The following UTRN variants were observed in gnomAD, a reference collection of about 807,000 sequenced individuals.
The protein encoded by UTRN is utrophin.
UTRN carries 283 observed loss-of-function variants against 463.9 expected under a neutral mutation model. The ratio of observed to expected loss-of-function variants is 0.61; its 90% CI spans 0.55 to 0.67. The LOEUF (loss-of-function observed/expected upper bound fraction) is 0.67. Among genes scored for constraint, UTRN ranks in the 30% least tolerant of loss-of-function variants. The pLI is 0.00. For missense variants in UTRN, 3,922 were observed against 4,084.3 expected, an observed-to-expected ratio of 0.96 and a Z score of 1.08; for synonymous variants, 1,442 against 1,431.5, an observed-to-expected ratio of 1.01 and a Z score of -0.17.
chr6:144,473,913 T>C, intron 24 of UTRN, 80 bp downstream of exon 24: 2 of 1,011,472 alleles, frequency 2.0e-6, no homozygotes, highest in Non-Finnish European at 3.0e-6. Context: ...ATTATTAAAA[T>C]TGTGAGAATA....
chr6:144,606,167 A>G (rs1804826320), intron 51 of UTRN, among the ~76,000 whole-genome samples: 1 of 152,202 alleles, frequency 6.6e-6, no homozygotes, highest in Non-Finnish European at 1.5e-5. Context: ...CTATTTGTAA[A>G]ACAATGTTTG....
chr6:144,689,744 G>A (rs1473383779), intron 52 of UTRN, among the ~76,000 whole-genome samples: 2 of 152,172 alleles, frequency 1.3e-5, no homozygotes, highest in African/African-American at 4.8e-5. Context: ...GTTATAAATA[G>A]CCTTAGTGTG....
intron 34 of UTRN, among the ~76,000 whole-genome samples, chr6:144,509,222 T>A (rs12190126): frequency 0.039 from 5,951 of 152,234 alleles, 155 homozygotes; most frequent in Non-Finnish European, 0.06. Flanking sequence ...TGTTTTGATT[T>A]TTTTCTTTAT....
chr6:144,426,894 C>T (rs1207665428), intron 7 of UTRN, among the ~76,000 whole-genome samples: 1 of 152,088 alleles, frequency 6.6e-6, no homozygotes. Flanking sequence ...ATATAAAAGA[C>T]GAGGCCCAAG....
intron 54 of UTRN, among the ~76,000 whole-genome samples, chr6:144,743,279 A>G (rs1790304038): frequency 6.6e-6 from 1 of 152,252 alleles, no homozygotes; most frequent in Non-Finnish European, 1.5e-5. Flanking sequence ...TGATATCATA[A>G]TTGAGAAAAA....
intron 51 of UTRN, among the ~76,000 whole-genome samples, chr6:144,609,565 T>C (rs1459859545): frequency 6.6e-6 from 1 of 152,188 alleles, no homozygotes; most frequent in East Asian, 1.9e-4. Context: ...ACTTTGGACT[T>C]GAATTGCAGT....
At chr6:144,551,468 T>C (rs977979805) in intron 48 of UTRN, among the ~76,000 whole-genome samples, 4 of 152,362 alleles carry the variant, frequency 2.6e-5, no homozygotes, top group Admixed American at 1.3e-4. Flanking sequence ...TTACTGTGTC[T>C]TTTAACTCAA....
intron 8 of UTRN, 67 bp from the exon 9 acceptor site, chr6:144,429,514 A>G (rs1290949326): frequency 2.1e-6 from 3 of 1,400,590 alleles, no homozygotes; most frequent in Non-Finnish European, 2.0e-6. Flanking sequence ...TTTTATATCT[A>G]ATATTGAGCA....
At chr6:144,354,781 G>T (rs1778409971) in intron 2 of UTRN, among the ~76,000 whole-genome samples, 1 of 152,022 alleles carries the variant, frequency 6.6e-6, no homozygotes, top group Non-Finnish European at 1.5e-5. Flanking sequence ...TCCCTGCTTG[G>T]ATTAAATTCA....
intron 51 of UTRN, among the ~76,000 whole-genome samples, chr6:144,609,199 A>T (rs934283872): frequency 6.6e-6 from 1 of 152,228 alleles, no homozygotes; most frequent in Non-Finnish European, 1.5e-5. Context: ...TGCCTAGTAG[A>T]GACTTGCTTT....
intron 48 of UTRN, among the ~76,000 whole-genome samples, chr6:144,552,733 C>T (rs780556596): frequency 1.3e-5 from 2 of 152,168 alleles, no homozygotes; most frequent in Non-Finnish European, 2.9e-5. Flanking sequence ...GCTTAACTCA[C>T]AATGAATGGG....
chr6:144,613,406 G>A (rs918102747), intron 51 of UTRN, among the ~76,000 whole-genome samples: 1 of 152,040 alleles, frequency 6.6e-6, no homozygotes, highest in Non-Finnish European at 1.5e-5. Flanking sequence ...TGACAGGTAA[G>A]CAAGGAGATG....
At chr6:144,518,531 G>T (rs1223619801) in intron 39 of UTRN, among the ~76,000 whole-genome samples, 2 of 151,996 alleles carry the variant, frequency 1.3e-5, no homozygotes, top group African/African-American at 4.8e-5. Context: ...GTCTTTTTAG[G>T]TTAGCTGAAA....
chr6:144,834,176 C>A (rs1204619413), intron 69 of UTRN, among the ~76,000 whole-genome samples: 1 of 152,194 alleles, frequency 6.6e-6, no homozygotes, highest in Non-Finnish European at 1.5e-5. Context: ...AAGGGTCCCA[C>A]CCCATCCTCT....
At chr6:144,492,910 C>T (rs1403602507) in intron 32 of UTRN, among the ~76,000 whole-genome samples, 1 of 152,034 alleles carries the variant, frequency 6.6e-6, no homozygotes, top group Non-Finnish European at 1.5e-5. Context: ...CAGCAGTAGC[C>T]AGTGTTGGCT....
At chr6:144,565,540 A>G (rs1399832139) in intron 50 of UTRN, among the ~76,000 whole-genome samples, 1 of 152,152 alleles carries the variant, frequency 6.6e-6, no homozygotes, top group Non-Finnish European at 1.5e-5. Context: ...AAGGAGCAAA[A>G]GGGACTCAGA....
Position 144,678,491 on chromosome 6 carries a change from A to G in UTRN, c.7565A>G (p.Asn2522Ser). 2 of 1,613,490 alleles carry G rather than the reference A, an allele frequency of 1.2e-6. No individual in the cohort carries two copies. Among genetic ancestry groups the G allele is most frequent in the African/African-American group, 1.3e-5 (1 of 75,020 alleles). ...CAGAAGATGGTAAAAGCTTTGGGAA[A>G]TTCTGAAGAGGCTACTATGCTTCAA... The part of the protein sequence containing the change: ...NRQKMVKALG[N>S]SEEATMLQHR... Residue 2522 changes from asparagine to serine, a missense_variant, in exon 52 of 75, where the codon AAT (asparagine) becomes AGT (serine). Asn to Ser is a conservative substitution (Grantham distance 46). Around this residue, in one of 3 missense-constraint regions of UTRN, gnomAD observed 1,309 missense variants for 1,452.6 expected, o/e 0.90. Transcript: ENST00000367545.
At chr6:144,489,419 G>A (rs1436791776) in intron 30 of UTRN, among the ~76,000 whole-genome samples, 2 of 152,098 alleles carry the variant, frequency 1.3e-5, no homozygotes, top group Non-Finnish European at 2.9e-5. Flanking sequence ...AAAATGCTGG[G>A]ATTACAGGCG....
chr6:144,445,172 G>A (rs1202010702), intron 14 of UTRN, among the ~76,000 whole-genome samples: 2 of 151,904 alleles, frequency 1.3e-5, no homozygotes, highest in Non-Finnish European at 2.9e-5. Flanking sequence ...CCAACATAGT[G>A]AAACCCCGTC....
Sources: gnomAD v4.1 joint callset for allele counts (sites outside exome capture counted in the v4.1 genomes callset) on GRCh38, gnomAD v4.1.1 for gene constraint, gnomAD v4.1.1 regional missense constraint, MANE v1.5 for transcripts, NCBI Gene and HGNC (gene_info 2026-07-23, HGNC 2026-07-21) for gene names.